TMEM245: variants seen among roughly 807,000 people sequenced by gnomAD.
TMEM245 encodes the protein transmembrane protein 245, also known as protein CG-2.
A neutral mutation model predicts 101.2 loss-of-function variants in TMEM245; 69 were observed. The ratio of observed to expected loss-of-function variants is 0.68; its 90% CI spans 0.56 to 0.83. The LOEUF is 0.83. TMEM245 is among the 40% of genes least tolerant of loss of function. TMEM245 has a pLI of 0.00. For synonymous variants in TMEM245, 537 were observed against 449.8 expected (o/e 1.19, Z -2.45); for missense variants, 1,075 against 1,092.8 (o/e 0.98, Z 0.23).
intron 17 of TMEM245, among the ~76,000 whole-genome samples, chr9:109,024,222 C>G (rs1182784912): frequency 6.6e-6 from 1 of 152,210 alleles, no homozygotes; most frequent in East Asian, 1.9e-4. Context: ...ATTTCCTACA[C>G]CGGCACCAGC....
intron 3 of TMEM245, among the ~76,000 whole-genome samples, chr9:109,095,106 G>T (rs1211433894): frequency 6.6e-6 from 1 of 152,152 alleles, no homozygotes; most frequent in African/African-American, 2.4e-5. Context: ...TTTAGATAGG[G>T]TATCGTATCT....
Position 109,086,050 on chromosome 9 carries a change from G to A in TMEM245, c.1321-30C>T, listed in dbSNP as rs371497056. The A allele has an allele frequency of 3.1e-6, 5 of 1,611,518 alleles. No homozygotes were observed. In the African/African-American group the frequency reaches 6.7e-5, roughly 22 times the overall value. ...AGGATAGGGGGTAAGGTGAGAAAGA[G>A]AAGATAAGAACAGTGGAGTATCATT... On this transcript the variant is annotated intron_variant, in intron 6 of 17. Transcript: ENST00000374586.
chr9:109,037,813 T>C (rs1453568506), intron 15 of TMEM245, among the ~76,000 whole-genome samples: 3 of 152,206 alleles, frequency 2.0e-5, no homozygotes, highest in African/African-American at 7.2e-5. Context: ...TTCTATGTGC[T>C]GGGTATGGTT....
chr9:109,061,210 G>A (rs1829001454), intron 10 of TMEM245, among the ~76,000 whole-genome samples: 1 of 152,152 alleles, frequency 6.6e-6, no homozygotes, highest in African/African-American at 2.4e-5. Context: ...CAGCTACTCA[G>A]GAGACTGAGA....
rs768708353 is a variant in TMEM245 at position 109,050,448 on chromosome 9, A to T, written c.1978-20T>A. The T allele has an allele frequency of 8.1e-6, 13 of 1,612,828 alleles. No homozygotes were observed. Among genetic ancestry groups the T allele is most frequent in the Non-Finnish European group, 1.1e-5 (13 of 1,179,198 alleles). ...AATTATCTGCAAAACAAAGGACAAC[A>T]TCTCCTAAAAAAATCGTATTTGGAA... On this transcript the variant is annotated intron_variant, in intron 13 of 17. Transcript: ENST00000374586.
chr9:109,043,846 G>A (rs897762508), intron 14 of TMEM245, among the ~76,000 whole-genome samples: 16 of 152,240 alleles, frequency 1.1e-4, no homozygotes, highest in African/African-American at 3.6e-4. Flanking sequence ...GTAGGCCATC[G>A]TGCATCCAAT....
At chr9:109,092,083 T>A (rs1830023810) in intron 4 of TMEM245, among the ~76,000 whole-genome samples, 2 of 152,236 alleles carry the variant, frequency 1.3e-5, no homozygotes, top group African/African-American at 2.4e-5. Flanking sequence ...CCCTGGTCTT[T>A]TACATAGTTG....
At chr9:109,049,135 A>T (rs1828593708) in intron 14 of TMEM245, among the ~76,000 whole-genome samples, 1 of 152,218 alleles carries the variant, frequency 6.6e-6, no homozygotes, top group South Asian at 2.1e-4. Context: ...CTGCTGATGG[A>T]AAGCTGATGG....
intron 14 of TMEM245, among the ~76,000 whole-genome samples, chr9:109,043,387 G>A (rs1828376471): frequency 1.3e-5 from 2 of 152,150 alleles, no homozygotes; most frequent in Admixed American, 6.5e-5. Flanking sequence ...TCACAACCAT[G>A]TGGTCAAGCA....
intron 8 of TMEM245, 81 bp from the exon 9 acceptor site, chr9:109,073,519 G>T: frequency 1.8e-6 from 2 of 1,112,992 alleles, no homozygotes; most frequent in South Asian, 1.4e-5. Context: ...TCTATTATTG[G>T]AACAATGCTT....
At position 109,119,841 on chromosome 9, in the gene TMEM245, G is replaced by A; in HGVS notation, c.73C>T (p.Arg25Cys). ...CCACCGCCACTCGGCCCGACCGCGC[G>A]CGGGACCCGCGGCGCCGGCCCGGGA... ...SSPGPAPRVP[R>C]AVGPSGGGGE... Residue 25 changes from arginine (R) to cysteine (C), a missense_variant, in exon 1 of 18, where the codon CGC (arginine) becomes TGC (cysteine). Physicochemically the swap from Arg to Cys is radical, Grantham distance 180. Around this residue, in one of 2 missense-constraint regions of TMEM245, gnomAD observed 808 missense variants for 741.5 expected, o/e 1.09. Coordinates refer to ENST00000374586, the MANE Select transcript of TMEM245 (RefSeq NM_032012.4). 1.5e-6 allele frequency: 2 copies of A among 1,335,338 alleles called. No homozygotes were observed. The highest frequency in any genetic ancestry group is 1.9e-6 in the Non-Finnish European group (2 of 1,053,482). The allele number at this position is 1,335,338 out of a possible 1,614,324, so 82.7% of individuals were successfully genotyped here.
chr9:109,086,493 C>T (rs149376990), intron 6 of TMEM245, among the ~76,000 whole-genome samples: 4 of 152,326 alleles, frequency 2.6e-5, no homozygotes, highest in African/African-American at 9.6e-5. Flanking sequence ...ACTTTTCCTA[C>T]ACAAATTCCT....
At chr9:109,038,661 T>C (rs1828211566) in intron 14 of TMEM245, 1 of 152,222 alleles carries the variant, frequency 6.6e-6, no homozygotes, top group African/African-American at 2.4e-5. Context: ...GTAACATCTC[T>C]TACAAATGCT....
chr9:109,056,034 T>C (rs1828824257), intron 12 of TMEM245, among the ~76,000 whole-genome samples: 1 of 152,142 alleles, frequency 6.6e-6, no homozygotes, highest in Admixed American at 6.5e-5. Context: ...AAGGAATCCA[T>C]GTTAAAGGCC....
rs1827458269 is a variant in TMEM245, at chr9:109,016,770, T to C, written c.*3690A>G. On this transcript the variant is annotated 3_prime_UTR_variant, in exon 18 of 18. Coordinates refer to ENST00000374586, the MANE Select transcript of TMEM245 (RefSeq NM_032012.4). ...AAGAAACTAATAAAAAGTACTTGTTTTTAGCTGGAACTAGCATTTGGAAGT... is the reference window on the plus strand; with the variant it reads ...AAGAAACTAATAAAAAGTACTTGTTCTTAGCTGGAACTAGCATTTGGAAGT... 1 of 152,056 alleles carries C rather than the reference T, an allele frequency of 6.6e-6. No homozygotes were observed. Among genetic ancestry groups the C allele is most frequent in the African/African-American group, 2.4e-5 (1 of 41,394 alleles). 9.4% of individuals were successfully genotyped at this position (152,056 alleles called of 1,614,324 possible). A position where few individuals can be genotyped will look rare whatever the true frequency, so the allele number is the denominator to read the frequency against.
rs1588034399 is a variant in TMEM245, at chr9:109,050,317, TAGA to T, written c.2086_2088del (p.Ser696del). The T allele has an allele frequency of 2.5e-6, 4 of 1,614,080 alleles. No individual in the cohort carries two copies. The highest frequency in any genetic ancestry group is 1.1e-5 in the South Asian group (1 of 91,080). On this transcript the variant is annotated inframe_deletion, in exon 14 of 18. Transcript: ENST00000374586. ...TCTTCCACAGACTGGCCAATAATAT[TAGA>T]AGAAGGACCTGGCTGAGATAGTGGA...
chr9:109,041,213 C>A (rs1028554848), intron 14 of TMEM245, among the ~76,000 whole-genome samples: 63 of 152,194 alleles, frequency 4.1e-4, no homozygotes, highest in African/African-American at 1.2e-3. Flanking sequence ...TGACCTAGTG[C>A]ACAGTAGATG....
intron 10 of TMEM245, among the ~76,000 whole-genome samples, chr9:109,061,529 G>A (rs1001664141): frequency 1.3e-5 from 2 of 151,812 alleles, no homozygotes; most frequent in African/African-American, 4.8e-5. Flanking sequence ...TTACGTTCTG[G>A]TATTAGCTGA....
At chr9:109,103,539 C>T (rs1830331874) in intron 3 of TMEM245, among the ~76,000 whole-genome samples, 1 of 152,022 alleles carries the variant, frequency 6.6e-6, no homozygotes, top group South Asian at 2.1e-4. Context: ...CAATGGAGTA[C>T]TATTCCGCCA....
Sources: gnomAD v4.1 joint callset for allele counts (sites outside exome capture counted in the v4.1 genomes callset) on GRCh38, gnomAD v4.1.1 for gene constraint, gnomAD v4.1.1 regional missense constraint, MANE v1.5 for transcripts, NCBI Gene and HGNC (gene_info 2026-07-23, HGNC 2026-07-21) for gene names.